FRAS1: variants seen among roughly 807,000 people sequenced by gnomAD.
FRAS1 encodes Fraser extracellular matrix complex subunit 1, also known as extracellular matrix organizing protein FRAS1.
FRAS1 carries 290 observed loss-of-function variants against 435.2 expected under a neutral mutation model. That is an observed-to-expected ratio of 0.67 (90% confidence interval 0.61 to 0.73). The LOEUF (loss-of-function observed/expected upper bound fraction) is 0.73, where lower values mean the gene tolerates loss of function less well. FRAS1 is among the 30% of genes least tolerant of loss of function. The probability of loss-of-function intolerance (pLI) is 0.00; values close to 1 mark genes in which losing one functional copy is unlikely to be tolerated. For missense variants in FRAS1, 4,860 were observed against 5,001.5 expected (o/e 0.97, Z 0.85); for synonymous variants, 1,800 against 1,851.0 (o/e 0.97, Z 0.71).
chr4:78,104,935 G>C (rs115912185), intron 2 of FRAS1, among the ~76,000 whole-genome samples: 151 of 152,314 alleles, frequency 9.9e-4, no homozygotes, highest in African/African-American at 3.5e-3. Context: ...CTCAGACAAG[G>C]TGTTCAGCCT....
At chr4:78,423,707 G>A (rs1256386466) in intron 34 of FRAS1, among the ~76,000 whole-genome samples, 3 of 152,174 alleles carry the variant, frequency 2.0e-5, no homozygotes, top group African/African-American at 7.2e-5. Context: ...ATCTCTAACG[G>A]TGGGTATAGG....
At chr4:78,467,462 C>G (rs1469160495) in intron 50 of FRAS1, among the ~76,000 whole-genome samples, 1 of 152,136 alleles carries the variant, frequency 6.6e-6, no homozygotes, top group Non-Finnish European at 1.5e-5. Context: ...TTTTCTTTAT[C>G]CATTAATCTG....
In FRAS1 at chr4:78,141,053, T is replaced by C. The variant is rs374987994; in HGVS notation, c.108+75037T>C. Among the ~76,000 whole-genome samples, 65 of 152,282 alleles carry C rather than the reference T, an allele frequency of 4.3e-4. No homozygotes were observed. The East Asian group carries it at 8.3e-3, about 19-fold the overall frequency. ...AAGTTGAAATTTGGCTTATTACTTC[T>C]TTTTTATTATACTTTAAATTCTGGG... On this transcript the variant is annotated intron_variant, in intron 2 of 73. Transcript: ENST00000512123.
Position 78,387,576 on chromosome 4 carries a change from C to G in FRAS1, c.3850C>G (p.Leu1284Val), listed in dbSNP as rs1304399221. The G allele has an allele frequency of 6.2e-7, 1 of 1,613,852 alleles. No individual in the cohort carries two copies. The change falls in exon 29 of 74, where the codon CTC becomes GTC. Residue 1284 changes from leucine (L) to valine (V), a missense_variant. Coordinates refer to ENST00000512123, the MANE Select transcript of FRAS1 (RefSeq NM_025074.7). ...TATCTATCAATTCCAGCTGGATGAA[C>G]TCTCTAGAGGCCTTCTCCACTATGC... ...TPIYQFQLDE[L>V]SRGLLHYAHD...
rs752641770 is a variant in FRAS1, at chr4:78,284,487, G to A, written c.1338G>A (p.Gln446=). The change falls in exon 13 of 74, where the codon CAG becomes CAA. Residue 446 remains glutamine (Q), a synonymous_variant. Coordinates refer to ENST00000512123, the MANE Select transcript of FRAS1 (RefSeq NM_025074.7). Reference sequence around the variant, plus strand: ...GCCAAGATCCTACCAAGTTACTGCAGAATGGATGGTGTGTGCACAGCTGTG... The same window carrying A: ...GCCAAGATCCTACCAAGTTACTGCAAAATGGATGGTGTGTGCACAGCTGTG... ...DLCQDPTKLL[Q]NGWCVHSCGL... 1.9e-6 allele frequency: 3 copies of A among 1,613,798 alleles called. No individual in the cohort carries two copies. The highest frequency in any genetic ancestry group is 2.5e-6 in the Non-Finnish European group (3 of 1,179,864).
At chr4:78,165,458 A>G (rs1338961901) in intron 2 of FRAS1, among the ~76,000 whole-genome samples, 2 of 152,218 alleles carry the variant, frequency 1.3e-5, no homozygotes, top group East Asian at 1.9e-4. Flanking sequence ...CTTTAAGAGT[A>G]TCTAGTTTTA....
At chr4:78,212,615 A>G (rs1290581266) in intron 2 of FRAS1, among the ~76,000 whole-genome samples, 2 of 152,192 alleles carry the variant, frequency 1.3e-5, no homozygotes, top group African/African-American at 4.8e-5. Context: ...TTTATTCCTT[A>G]TGTTCATACC....
intron 2 of FRAS1, among the ~76,000 whole-genome samples, chr4:78,127,333 T>C (rs913216369): frequency 2.0e-5 from 3 of 152,180 alleles, no homozygotes; most frequent in Non-Finnish European, 4.4e-5. Flanking sequence ...TTTTAAGGGC[T>C]TTGGACTCTA....
chr4:78,284,212 A>G (rs1343129542), intron 12 of FRAS1, among the ~76,000 whole-genome samples, 193 bp from the exon 13 acceptor site: 2 of 138,724 alleles, frequency 1.4e-5, no homozygotes, highest in South Asian at 2.3e-4. Context: ...CTTCCTTGCA[A>G]TCTTGCATTG....
Position 78,222,368 on chromosome 4 carries a change from A to G in FRAS1, c.109-15142A>G, listed in dbSNP as rs141269302. Among the ~76,000 whole-genome samples the G allele has an allele frequency of 8.2e-3, 1,254 of 152,258 alleles. 15 individuals carry two copies. The highest frequency in any genetic ancestry group is 0.029 in the African/African-American group (1,195 of 41,538). On this transcript the variant is annotated intron_variant, in intron 2 of 73. Transcript: ENST00000512123. Reference sequence around the variant, plus strand: ...TGCATTTCATCTCACCGATGAGCCCATGAACTTCCCCAGAAACTCATTGTC... The same window carrying G: ...TGCATTTCATCTCACCGATGAGCCCGTGAACTTCCCCAGAAACTCATTGTC...
chr4:78,212,981 T>C (rs1723579804), intron 2 of FRAS1, among the ~76,000 whole-genome samples: 1 of 152,200 alleles, frequency 6.6e-6, no homozygotes, highest in African/African-American at 2.4e-5. Flanking sequence ...GATTCCTAGT[T>C]GGCCGTGCAT....
intron 29 of FRAS1, among the ~76,000 whole-genome samples, chr4:78,388,197 T>C (rs1028634027): frequency 6.6e-5 from 10 of 151,564 alleles, no homozygotes; most frequent in African/African-American, 2.2e-4. Context: ...TGGTGGCGGG[T>C]GCCTGTAGTC....
At chr4:78,097,873 T>TAA (rs1053522147) in intron 2 of FRAS1, among the ~76,000 whole-genome samples, 17 of 150,986 alleles carry the variant, frequency 1.1e-4, no homozygotes, top group Admixed American at 7.9e-4. Context: ...TGAGGCCTTA[T>TAA]AAGAAGAGGA....
intron 20 of FRAS1, among the ~76,000 whole-genome samples, chr4:78,344,966 G>A (rs384373): frequency 0.81 from 122,925 of 152,158 alleles, 50,374 homozygotes; most frequent in African/African-American, 0.94. Context: ...TTTAAATGAC[G>A]TATTTCCATA....
chr4:78,136,052 C>T (rs1000773172), intron 2 of FRAS1, among the ~76,000 whole-genome samples: 1 of 152,202 alleles, frequency 6.6e-6, no homozygotes, highest in Admixed American at 6.5e-5. Context: ...CCTTTGAACT[C>T]ATGGCTAACA....
At chr4:78,256,907 A>C (rs959644508) in intron 6 of FRAS1, among the ~76,000 whole-genome samples, 1 of 152,200 alleles carries the variant, frequency 6.6e-6, no homozygotes, top group Non-Finnish European at 1.5e-5. Flanking sequence ...GATGTTTATC[A>C]TACCTGATGA....
At chr4:78,519,246 T>C in intron 66 of FRAS1, 85 bp from the exon 67 acceptor site, 1 of 1,252,134 alleles carries the variant, frequency 8.0e-7, no homozygotes, top group South Asian at 1.9e-5. Context: ...CATGGGTGAA[T>C]GAAAATGGAA....
chr4:78,489,851 A>T (rs1196212063), intron 59 of FRAS1, among the ~76,000 whole-genome samples: 1 of 151,894 alleles, frequency 6.6e-6, no homozygotes, highest in African/African-American at 2.4e-5. Context: ...ATATCCCAGT[A>T]TAGGACCAAA....
At chr4:78,431,930 G>A (rs921744423) in intron 37 of FRAS1, among the ~76,000 whole-genome samples, 1 of 151,948 alleles carries the variant, frequency 6.6e-6, no homozygotes, top group Non-Finnish European at 1.5e-5. Context: ...GGTTCATCAA[G>A]TATAATTTAT....
Sources: gnomAD v4.1 joint callset for allele counts (sites outside exome capture counted in the v4.1 genomes callset) on GRCh38, gnomAD v4.1.1 for gene constraint, MANE v1.5 for transcripts, NCBI Gene and HGNC (gene_info 2026-07-23, HGNC 2026-07-21) for gene names.